Variants in TNRC18 observed in about 807,000 individuals in gnomAD.
TNRC18 encodes trinucleotide repeat containing 18.
Under a neutral mutation model 226.7 loss-of-function variants are expected in TNRC18, and 69 were observed. The observed-to-expected ratio is 0.30, with a 90% confidence interval of 0.25 to 0.37. The LOEUF (loss-of-function observed/expected upper bound fraction) is 0.37, where lower values mean the gene tolerates loss of function less well. Ranked by LOEUF, TNRC18 falls within the 10% of genes least tolerant of loss-of-function variation. The pLI, the probability that TNRC18 is intolerant of heterozygous loss-of-function variation, is 1.00. For missense variants in TNRC18, 4,754 were observed against 4,256.6 expected (o/e 1.12, Z -3.25); for synonymous variants, 2,449 against 1,927.6 (o/e 1.27, Z -7.09).
intron 8 of TNRC18, 88 bp from the exon 9 acceptor site, chr7:5,376,312 G>A (rs1442570501): frequency 8.5e-7 from 1 of 1,179,446 alleles, no homozygotes; most frequent in East Asian, 2.7e-5. Flanking sequence ...CCAGAGAGGG[G>A]CCACACCCAC....
chr7:5,362,926 G>C (rs1378815478), intron 11 of TNRC18, 101 bp from the exon 12 acceptor site: 1 of 1,249,394 alleles, frequency 8.0e-7, no homozygotes, highest in Non-Finnish European at 1.1e-6. Flanking sequence ...CAGGCCACAC[G>C]TGCCCATCCC....
intron 8 of TNRC18, among the ~76,000 whole-genome samples, chr7:5,376,436 T>C (rs907542984): frequency 4.6e-5 from 7 of 152,074 alleles, no homozygotes; most frequent in Non-Finnish European, 7.4e-5. Flanking sequence ...CACAGCCCTG[T>C]CCACACCCGG....
At chr7:5,402,831 G>C (rs527827272) in intron 2 of TNRC18, among the ~76,000 whole-genome samples, 16 of 151,790 alleles carry the variant, frequency 1.1e-4, no homozygotes, top group African/African-American at 3.9e-4. Flanking sequence ...TCAAGCCTCG[G>C]CGACAGAGTG....
chr7:5,359,749 G>C (rs959723369), intron 14 of TNRC18, among the ~76,000 whole-genome samples, 180 bp from the exon 15 acceptor site: 2 of 152,190 alleles, frequency 1.3e-5, no homozygotes, highest in African/African-American at 2.4e-5. Flanking sequence ...TGGGATATTT[G>C]TGAATGAGGC....
chr7:5,327,411 G>C (rs5882056), intron 19 of TNRC18, among the ~76,000 whole-genome samples: 1 of 136,176 alleles, frequency 7.3e-6, no homozygotes, highest in South Asian at 2.3e-4. Flanking sequence ...GTGTGTGTGT[G>C]TCTGTGTGTT....
chr7:5,340,668 G>A (rs370576375), intron 18 of TNRC18, among the ~76,000 whole-genome samples: 92 of 151,300 alleles, frequency 6.1e-4, no homozygotes, highest in Non-Finnish European at 1.1e-3. Flanking sequence ...ACTTGAACCC[G>A]GGAGGCAGAG....
At chr7:5,399,953 G>A (rs982792520) in intron 2 of TNRC18, among the ~76,000 whole-genome samples, 10 of 151,890 alleles carry the variant, frequency 6.6e-5, no homozygotes, top group East Asian at 3.9e-4. Flanking sequence ...GAGGTGGTGC[G>A]ATCATGACTC....
At chr7:5,417,811 T>A (rs1417669927) in intron 2 of TNRC18, among the ~76,000 whole-genome samples, 1 of 152,120 alleles carries the variant, frequency 6.6e-6, no homozygotes, top group Non-Finnish European at 1.5e-5. Flanking sequence ...TTGCAAATCG[T>A]CCTTATCTCT....
chr7:5,356,820 G>C, intron 16 of TNRC18, 96 bp downstream of exon 16: 2 of 1,363,858 alleles, frequency 1.5e-6, no homozygotes, highest in Non-Finnish European at 1.9e-6. Flanking sequence ...GCGAGAGAGA[G>C]AGTGAGGGGC....
intron 18 of TNRC18, among the ~76,000 whole-genome samples, chr7:5,333,493 G>A (rs921420737): frequency 1.3e-5 from 2 of 152,144 alleles, no homozygotes; most frequent in African/African-American, 4.8e-5. Context: ...TCGGAACTGG[G>A]TGGTCCCAGG....
Position 5,377,808 on chromosome 7 carries a change from T to TAC in TNRC18, c.2255+112_2255+113dup. On this transcript the variant is annotated intron_variant, in intron 6 of 29. Transcript: ENST00000430969. The surrounding 1 kb of genome is among the most constrained non-coding windows in gnomAD (Gnocchi z 5.8). ...GGACCAGAGTGACTCCCGCTCTCAG[T>TAC]ACCATAGCATCCATGGTCGAGGGGC... The TAC allele has an allele frequency of 2.7e-6, 3 of 1,097,326 alleles. No individual in the cohort carries two copies. The highest frequency in any genetic ancestry group is 2.7e-6 in the Non-Finnish European group (2 of 749,740). The allele number at this position is 1,097,326 out of a possible 1,614,324, so 68.0% of individuals were successfully genotyped here.
chr7:5,337,025 G>C (rs1381162691), intron 18 of TNRC18, among the ~76,000 whole-genome samples: 1 of 152,178 alleles, frequency 6.6e-6, no homozygotes, highest in African/African-American at 2.4e-5. Flanking sequence ...TGCAGATGTT[G>C]GGTGTCAGAT....
intron 11 of TNRC18, among the ~76,000 whole-genome samples, chr7:5,367,257 TG>T (rs1793708847): frequency 6.6e-6 from 1 of 151,812 alleles, no homozygotes; most frequent in South Asian, 2.1e-4. Flanking sequence ...CCCAGCTACT[TG>T]GGAAGCTGAG....
intron 18 of TNRC18, among the ~76,000 whole-genome samples, chr7:5,340,217 G>A (rs1790549560): frequency 6.6e-6 from 1 of 152,180 alleles, no homozygotes; most frequent in Non-Finnish European, 1.5e-5. Flanking sequence ...AAAGTGCTCT[G>A]GTGAACACAC....
chr7:5,358,936 A>G (rs1375338682), intron 15 of TNRC18, among the ~76,000 whole-genome samples: 1 of 152,242 alleles, frequency 6.6e-6, no homozygotes, highest in Non-Finnish European at 1.5e-5. Context: ...CTGAAGAAAT[A>G]AGAAGAATCA....
chr7:5,346,602 A>C (rs1791224526), intron 17 of TNRC18, among the ~76,000 whole-genome samples: 1 of 152,188 alleles, frequency 6.6e-6, no homozygotes, highest in Admixed American at 6.5e-5. Flanking sequence ...TGAGCCCAGG[A>C]GTTCCAGACC....
At chr7:5,399,553 A>T (rs1288509719) in intron 2 of TNRC18, among the ~76,000 whole-genome samples, 1 of 151,926 alleles carries the variant, frequency 6.6e-6, no homozygotes, top group African/African-American at 2.4e-5. Flanking sequence ...CCAATAATAC[A>T]AAATTAGCCG....
At chr7:5,318,087 G>C (rs1338827142) in intron 24 of TNRC18, among the ~76,000 whole-genome samples, 1 of 152,104 alleles carries the variant, frequency 6.6e-6, no homozygotes, top group East Asian at 1.9e-4. Flanking sequence ...GCCCAGGCTG[G>C]TCTCAAACTC....
intron 19 of TNRC18, among the ~76,000 whole-genome samples, chr7:5,326,920 C>A (rs375926952): frequency 6.6e-6 from 1 of 151,580 alleles, no homozygotes; most frequent in Non-Finnish European, 1.5e-5. Flanking sequence ...GTCAGGAGAT[C>A]GAGACCATCC....
Sources: gnomAD v4.1 joint callset for allele counts (sites outside exome capture counted in the v4.1 genomes callset) on GRCh38, gnomAD v4.1.1 for gene constraint, Gnocchi (gnomAD v3.1) non-coding constraint, MANE v1.5 for transcripts, NCBI Gene and HGNC (gene_info 2026-07-23, HGNC 2026-07-21) for gene names.